The following CNTN5 variants were observed in gnomAD, a reference collection of about 807,000 sequenced individuals.
CNTN5 encodes contactin 5, also known as contactin-5.
CNTN5 carries 77 observed loss-of-function variants against 129.1 expected under a neutral mutation model. That is an observed-to-expected ratio of 0.60 (90% CI 0.50 to 0.72). The LOEUF is 0.72. CNTN5 is among the 30% of genes least tolerant of loss of function. The pLI is 0.00. For missense variants in CNTN5, 1,478 were observed against 1,328.8 expected (o/e 1.11, Z -1.75); for synonymous variants, 509 against 465.6 (o/e 1.09, Z -1.20).
intron 13 of CNTN5, among the ~76,000 whole-genome samples, chr11:100,099,943 T>C (rs12281704): frequency 6.6e-6 from 1 of 152,130 alleles, no homozygotes; most frequent in South Asian, 2.1e-4. Flanking sequence ...CATAAATGAG[T>C]GAACAGACTG....
chr11:99,116,980 G>A (rs1858073124), intron 1 of CNTN5, among the ~76,000 whole-genome samples: 1 of 152,110 alleles, frequency 6.6e-6, no homozygotes, highest in Non-Finnish European at 1.5e-5. Flanking sequence ...ATAGAAATGT[G>A]ATATACTATA....
intron 2 of CNTN5, among the ~76,000 whole-genome samples, chr11:99,542,103 A>G (rs1037411374): frequency 2.0e-5 from 3 of 152,112 alleles, no homozygotes; most frequent in Non-Finnish European, 4.4e-5. Flanking sequence ...TATTGTTTCA[A>G]TACATTAATA....
At chr11:99,465,350 T>C (rs1215197257) in intron 2 of CNTN5, among the ~76,000 whole-genome samples, 2 of 152,212 alleles carry the variant, frequency 1.3e-5, no homozygotes, top group Non-Finnish European at 2.9e-5. Flanking sequence ...ACAAATATTT[T>C]TCTAAACCCT....
rs1267731054 is a variant in CNTN5 at position 100,356,171 on chromosome 11, C to T, written c.3254C>T (p.Ser1085Leu). Residue 1085 changes from serine (S) to leucine (L), a missense_variant, in exon 25 of 25, where the codon TCA (serine) becomes TTA (leucine). By Grantham distance (145) the Ser-to-Leu change is moderately radical. Coordinates refer to ENST00000524871, the MANE Select transcript of CNTN5 (RefSeq NM_014361.4). ...STLHSLSTSS[S>L]SVTLLLALMI... ...CTTCACTCTCTCTCCACATCTTCGT[C>T]ATCAGTCACCTTGCTCTTGGCATTG... is the stretch of plus-strand genomic sequence containing the variant. The T allele has an allele frequency of 6.2e-7, 1 of 1,610,706 alleles. No individual in the cohort carries two copies. The highest frequency in any genetic ancestry group is 1.1e-5 in the South Asian group (1 of 90,680).
Position 100,316,175 on chromosome 11 carries a change from G to A in CNTN5, c.2730+7707G>A, listed in dbSNP as rs536832284. On this transcript the variant is annotated intron_variant, in intron 21 of 24. Coordinates refer to ENST00000524871, the MANE Select transcript of CNTN5 (RefSeq NM_014361.4). ...GATGCCAGTCTGGCAAGAAGGGAGG[G>A]TAAAGGATAAGGCCAAATTTCATAA... 5.3e-5 allele frequency among the ~76,000 whole-genome samples: 8 copies of A among 152,282 alleles called. No individual in the cohort carries two copies. The South Asian group carries it at 1.2e-3, about 24-fold the overall frequency.
intron 2 of CNTN5, among the ~76,000 whole-genome samples, chr11:99,521,533 TTGA>T (rs1156791758): frequency 6.6e-6 from 1 of 152,206 alleles, no homozygotes; most frequent in Non-Finnish European, 1.5e-5. Flanking sequence ...CAAATTTCAA[TTGA>T]TGAATAAAAA....
chr11:99,955,368 TTAAA>T (rs1406065254), intron 7 of CNTN5, among the ~76,000 whole-genome samples: 1 of 151,874 alleles, frequency 6.6e-6, no homozygotes, highest in African/African-American at 2.4e-5. Flanking sequence ...TGTGGATATT[TTAAA>T]TAAATTATTA....
At chr11:100,178,859 G>T (rs1249216184) in intron 13 of CNTN5, among the ~76,000 whole-genome samples, 3 of 152,158 alleles carry the variant, frequency 2.0e-5, no homozygotes, top group Non-Finnish European at 2.9e-5. Flanking sequence ...GAACTCTCCA[G>T]CTGACCCCCA....
chr11:99,823,233 C>T (rs925619978), intron 4 of CNTN5, among the ~76,000 whole-genome samples: 1 of 152,178 alleles, frequency 6.6e-6, no homozygotes, highest in Non-Finnish European at 1.5e-5. Flanking sequence ...TTCCTTTCTA[C>T]TATTTTAACT....
chr11:99,686,447 C>A (rs1591478959), intron 3 of CNTN5, among the ~76,000 whole-genome samples: 1 of 151,910 alleles, frequency 6.6e-6, no homozygotes, highest in East Asian at 1.9e-4. Context: ...TGATACAGTT[C>A]TTGAATTTGC....
chr11:99,823,065 G>A (rs1229394578), intron 4 of CNTN5, among the ~76,000 whole-genome samples: 2 of 152,198 alleles, frequency 1.3e-5, no homozygotes, highest in Non-Finnish European at 2.9e-5. Flanking sequence ...GTAGTCACGT[G>A]AGTGAGTTTA....
chr11:99,257,723 A>T (rs1426861300), intron 1 of CNTN5, among the ~76,000 whole-genome samples: 1 of 152,084 alleles, frequency 6.6e-6, no homozygotes, highest in Non-Finnish European at 1.5e-5. Flanking sequence ...ATGTCTTCAT[A>T]TTATAGTATA....
At chr11:99,388,186 C>A (rs1244216029) in intron 2 of CNTN5, among the ~76,000 whole-genome samples, 1 of 151,892 alleles carries the variant, frequency 6.6e-6, no homozygotes, top group East Asian at 1.9e-4. Context: ...GAGGCCGAGG[C>A]GGGCAGATCA....
At chr11:100,084,282 TA>T (rs1944467390) in intron 13 of CNTN5, among the ~76,000 whole-genome samples, 1 of 152,072 alleles carries the variant, frequency 6.6e-6, no homozygotes, top group Non-Finnish European at 1.5e-5. Context: ...AAACAGCATC[TA>T]AAATACTTGG....
At chr11:100,263,927 C>A (rs771983155) in intron 17 of CNTN5, among the ~76,000 whole-genome samples, 1 of 152,110 alleles carries the variant, frequency 6.6e-6, no homozygotes, top group Non-Finnish European at 1.5e-5. Context: ...GTGTGTTTTA[C>A]TACTCATCCT....
chr11:99,295,233 G>A (rs1864333984), intron 1 of CNTN5, among the ~76,000 whole-genome samples: 1 of 152,172 alleles, frequency 6.6e-6, no homozygotes, highest in Admixed American at 6.5e-5. Context: ...TAGCTGAAGT[G>A]TCTACTCACT....
chr11:100,270,250 G>A (rs1232382827), intron 17 of CNTN5, among the ~76,000 whole-genome samples: 8 of 152,130 alleles, frequency 5.3e-5, no homozygotes, highest in South Asian at 2.1e-4. Context: ...AATCCAAGGC[G>A]ATTTCATTCC....
At chr11:99,653,890 C>A (rs954235244) in intron 3 of CNTN5, among the ~76,000 whole-genome samples, 1 of 151,614 alleles carries the variant, frequency 6.6e-6, no homozygotes, top group African/African-American at 2.4e-5. Flanking sequence ...TGTTAGGCAG[C>A]TTCTAAACTG....
chr11:99,926,985 A>C (rs1283210975), intron 7 of CNTN5, among the ~76,000 whole-genome samples: 2 of 152,192 alleles, frequency 1.3e-5, no homozygotes, highest in South Asian at 2.1e-4. Flanking sequence ...GGAAATACAT[A>C]GATTCTAGGA....
Sources: gnomAD v4.1 joint callset for allele counts (sites outside exome capture counted in the v4.1 genomes callset) on GRCh38, gnomAD v4.1.1 for gene constraint, MANE v1.5 for transcripts, NCBI Gene and HGNC (gene_info 2026-07-23, HGNC 2026-07-21) for gene names.